The following BAALC variants were observed in gnomAD, a reference collection of about 807,000 sequenced individuals.
The protein encoded by BAALC is brain and acute leukemia cytoplasmic protein.
A neutral mutation model predicts 15.5 loss-of-function variants in BAALC; 9 were observed. That is an observed-to-expected ratio of 0.58 (90% CI 0.35 to 1.02). The LOEUF (loss-of-function observed/expected upper bound fraction) is 1.02. BAALC is among the 50% of genes least tolerant of loss of function. The probability of loss-of-function intolerance (pLI) is 0.02; values close to 1 mark genes in which losing one functional copy is unlikely to be tolerated. For missense variants in BAALC, 201 were observed against 192.4 expected (o/e 1.04, Z -0.27); for synonymous variants, 80 against 74.6 (o/e 1.07, Z -0.37).
chr8:103,212,877 A>C, intron 1 of BAALC, 42 bp from the exon 2 acceptor site: 1 of 1,563,828 alleles, frequency 6.4e-7, no homozygotes, highest in Non-Finnish European at 8.7e-7. Flanking sequence ...AACATCTGCC[A>C]TGTGCAAGCT....
At chr8:103,225,110 T>A (rs1156449894) in intron 2 of BAALC, among the ~76,000 whole-genome samples, 2 of 152,230 alleles carry the variant, frequency 1.3e-5, no homozygotes, top group Admixed American at 1.3e-4. Context: ...CTAGCCCTAG[T>A]GCCAGTTCAG....
At chr8:103,153,561 T>G (rs955125331) in intron 1 of BAALC, among the ~76,000 whole-genome samples, 3 of 152,234 alleles carry the variant, frequency 2.0e-5, no homozygotes, top group African/African-American at 7.2e-5. Context: ...GTACGTGAAA[T>G]GCATGGTGGA....
rs1009906537 is a variant in BAALC at position 103,221,635 on chromosome 8, T to C, written c.328-6354T>C. ...ACTGAGGGACAAAATGGTGTGATTG[T>C]TTCTTGTGTTTATATTGCTCTTCTC... On this transcript the variant is annotated intron_variant, in intron 2 of 2. Transcript: ENST00000309982. Among the ~76,000 whole-genome samples the C allele has an allele frequency of 9.0e-4, 137 of 152,298 alleles. No individual in the cohort carries two copies. In the Middle Eastern group the frequency reaches 0.01, roughly 11 times the overall value.
intron 1 of BAALC, among the ~76,000 whole-genome samples, chr8:103,144,821 A>C (rs1810847002): frequency 6.6e-6 from 1 of 152,218 alleles, no homozygotes; most frequent in Admixed American, 6.5e-5. Context: ...AGTCAAATAA[A>C]ATGGACAGCA....
chr8:103,229,136 T>A lies in BAALC; in HGVS notation c.*1037T>A, dbSNP rs1331428831. 6.6e-6 allele frequency: 1 copy of A among 152,220 alleles called. No homozygotes were observed. Among genetic ancestry groups the A allele is most frequent in the Non-Finnish European group, 1.5e-5 (1 of 68,036 alleles). The allele number at this position is 152,220 out of a possible 1,614,324, so 9.4% of individuals were successfully genotyped here. A position where few individuals can be genotyped will look rare whatever the true frequency, so the allele number is the denominator to read the frequency against. On this transcript the variant is annotated 3_prime_UTR_variant, in exon 3 of 3. Transcript: ENST00000309982. ...TGTATTCATACTGACATTAGATTGA[T>A]GTGCACTGCATTAGAAATGAGGTAG...
At chr8:103,145,191 G>T (rs1810854182) in intron 1 of BAALC, among the ~76,000 whole-genome samples, 1 of 152,216 alleles carries the variant, frequency 6.6e-6, no homozygotes, top group African/African-American at 2.4e-5. Context: ...CATCTCTAAG[G>T]ATGGAATATC....
chr8:103,152,332 T>C (rs549725221), intron 1 of BAALC, among the ~76,000 whole-genome samples: 4 of 152,066 alleles, frequency 2.6e-5, no homozygotes, highest in African/African-American at 4.8e-5. Context: ...TGGAGCCCCT[T>C]CCTGTCACAG....
rs576827675 is a variant in BAALC at position 103,144,289 on chromosome 8, G to C, written c.160+3232G>C. 3.9e-5 allele frequency among the ~76,000 whole-genome samples: 6 copies of C among 152,214 alleles called. No individual in the cohort carries two copies. In the East Asian group the frequency reaches 1.2e-3, roughly 29 times the overall value. On this transcript the variant is annotated intron_variant, in intron 1 of 2. Coordinates refer to ENST00000309982, the MANE Select transcript of BAALC (RefSeq NM_024812.3). ...ACTCAAAAAATGATCCTGAGCCTGT[G>C]GTTCCTGTTTTTGGAGATCATCTCC... is the stretch of plus-strand genomic sequence containing the variant.
Position 103,217,081 on chromosome 8 carries a change from C to T in BAALC, c.327+3996C>T, listed in dbSNP as rs1022924794. Among the ~76,000 whole-genome samples the T allele has an allele frequency of 5.9e-5, 9 of 152,290 alleles. No homozygotes were observed. In the East Asian group the frequency reaches 1.5e-3, roughly 26 times the overall value. On this transcript the variant is annotated intron_variant, in intron 2 of 2. Transcript: ENST00000309982. ...GTGATGACCACACACACCTGCCCAA[C>T]GCAGCACCCCTGGGCAGATGATGCA...
At chr8:103,147,565 A>C (rs1586370731) in intron 1 of BAALC, among the ~76,000 whole-genome samples, 1 of 152,194 alleles carries the variant, frequency 6.6e-6, no homozygotes, top group East Asian at 1.9e-4. Flanking sequence ...TGCACTCAGC[A>C]ATCCCTCAGG....
chr8:103,172,888 G>A (rs1468221702), intron 1 of BAALC, among the ~76,000 whole-genome samples: 1 of 152,144 alleles, frequency 6.6e-6, no homozygotes, highest in Non-Finnish European at 1.5e-5. Context: ...ACTCCTTATA[G>A]CTTATAAACA....
chr8:103,148,270 G>C (rs1810915533), intron 1 of BAALC, among the ~76,000 whole-genome samples: 1 of 152,156 alleles, frequency 6.6e-6, no homozygotes, highest in Admixed American at 6.5e-5. Context: ...GCTGCCACCA[G>C]CCAAGGAGCA....
At chr8:103,211,664 C>T (rs1462548800) in intron 1 of BAALC, among the ~76,000 whole-genome samples, 1 of 152,184 alleles carries the variant, frequency 6.6e-6, no homozygotes, top group Non-Finnish European at 1.5e-5. Context: ...GCTAGAATGT[C>T]ATCTGCATCT....
At chr8:103,214,267 TA>T (rs1380272599) in intron 2 of BAALC, among the ~76,000 whole-genome samples, 6 of 152,214 alleles carry the variant, frequency 3.9e-5, no homozygotes, top group Non-Finnish European at 2.9e-5. Flanking sequence ...GGACAAGAGC[TA>T]AGCCCAAGTT....
At chr8:103,200,501 C>T (rs1476807582) in intron 1 of BAALC, among the ~76,000 whole-genome samples, 1 of 152,088 alleles carries the variant, frequency 6.6e-6, no homozygotes. Flanking sequence ...CAAAAACAAC[C>T]AGGAAAACAG....
At chr8:103,199,406 A>G (rs1019189779) in intron 1 of BAALC, among the ~76,000 whole-genome samples, 1 of 152,212 alleles carries the variant, frequency 6.6e-6, no homozygotes, top group African/African-American at 2.4e-5. Context: ...TAATTCTTCA[A>G]TAAGCCATAA....
At chr8:103,177,193 GTTT>G (rs67361726) in intron 1 of BAALC, among the ~76,000 whole-genome samples, 1 of 145,436 alleles carries the variant, frequency 6.9e-6, no homozygotes. Context: ...TTGTTGTTTT[GTTT>G]TTTTTTTTTT....
chr8:103,214,730 T>C (rs1486629068), intron 2 of BAALC, among the ~76,000 whole-genome samples: 1 of 152,202 alleles, frequency 6.6e-6, no homozygotes, highest in Non-Finnish European at 1.5e-5. Context: ...CCTCCTCTTA[T>C]AAACTAGGAT....
At chr8:103,212,302 G>T (rs1427616114) in intron 1 of BAALC, among the ~76,000 whole-genome samples, 3 of 152,096 alleles carry the variant, frequency 2.0e-5, no homozygotes, top group Non-Finnish European at 4.4e-5. Flanking sequence ...ACAAAAATTA[G>T]CTGGGCATGG....
Sources: allele counts gnomAD v4.1 joint callset (sites outside exome capture counted in the v4.1 genomes callset), GRCh38; gene constraint gnomAD v4.1.1; transcripts MANE v1.5; gene names NCBI Gene and HGNC (gene_info 2026-07-23, HGNC 2026-07-21).